The following SGCZ variants were observed in gnomAD, a reference collection of about 807,000 sequenced individuals.
SGCZ encodes the protein zeta-sarcoglycan.
Under a neutral mutation model 41.3 loss-of-function variants are expected in SGCZ, and 40 were observed. That is an observed-to-expected ratio of 0.97 (90% CI 0.75 to 1.26). The LOEUF (loss-of-function observed/expected upper bound fraction) is 1.26, where lower values mean the gene tolerates loss of function less well. SGCZ is among the 50% of genes most tolerant of loss of function. The probability of loss-of-function intolerance (pLI) is 0.00; values close to 1 mark genes in which losing one functional copy is unlikely to be tolerated. For missense variants in SGCZ, 552 were observed against 369.8 expected, an observed-to-expected ratio of 1.49 and a Z score of -4.04; for synonymous variants, 206 against 137.5, an observed-to-expected ratio of 1.50 and a Z score of -3.49.
Position 14,555,594 on chromosome 8 carries a change from T to C in SGCZ, c.40-668A>G, listed in dbSNP as rs988216299. On this transcript the variant is annotated intron_variant, in intron 1 of 7. Transcript: ENST00000382080. ...GAGCCAATTAAACCTCTTTTCTTTG[T>C]CAATTACCCCGTCTCAAATATTTTT... 2.0e-5 allele frequency among the ~76,000 whole-genome samples: 3 copies of C among 152,064 alleles called. No homozygotes were observed. The South Asian group carries it at 6.2e-4, about 31-fold the overall frequency.
chr8:14,492,861 G>A (rs11993846), intron 2 of SGCZ, among the ~76,000 whole-genome samples: 74,768 of 151,930 alleles, frequency 0.49, 18,686 homozygotes, highest in East Asian at 0.66. Flanking sequence ...ACATCTCAGT[G>A]TAATTCTTGA....
chr8:15,094,114 G>A lies in SGCZ; in HGVS notation c.39+143471C>T, dbSNP rs185517813. 1.5e-4 allele frequency among the ~76,000 whole-genome samples: 23 copies of A among 152,066 alleles called. 1 individual carries two copies. Among genetic ancestry groups the A allele is most frequent in the Non-Finnish European group, 1.9e-4 (13 of 67,968 alleles). On this transcript the variant is annotated intron_variant, in intron 1 of 7. Coordinates refer to ENST00000382080, the MANE Select transcript of SGCZ (RefSeq NM_139167.4). ...AGGGATGGAGAGTGATACGGCAGTT[G>A]TTTTATTTATTTATGGTTTTTTTTA... is the stretch of plus-strand genomic sequence containing the variant.
intron 1 of SGCZ, among the ~76,000 whole-genome samples, chr8:15,121,205 T>C (rs550975894): frequency 6.6e-6 from 1 of 152,054 alleles, no homozygotes; most frequent in Non-Finnish European, 1.5e-5. Context: ...TGAAGTTATA[T>C]TTTGTAGTTT....
intron 3 of SGCZ, among the ~76,000 whole-genome samples, chr8:14,243,000 T>C (rs1398572978): frequency 2.6e-5 from 4 of 152,366 alleles, no homozygotes; most frequent in East Asian, 1.9e-4. Context: ...ATATGACCTC[T>C]ACTTTGCTGC....
chr8:15,108,231 G>A (rs990139467), intron 1 of SGCZ, among the ~76,000 whole-genome samples: 2 of 151,912 alleles, frequency 1.3e-5, no homozygotes, highest in Non-Finnish European at 2.9e-5. Flanking sequence ...AAATTCTCTT[G>A]AAATTAGTAA....
chr8:14,699,130 A>G (rs996582683), intron 1 of SGCZ, among the ~76,000 whole-genome samples: 1 of 151,538 alleles, frequency 6.6e-6, no homozygotes, highest in Admixed American at 6.6e-5. Context: ...AAAGGACACT[A>G]AAACAGTGTT....
chr8:14,987,502 G>C (rs1801862999), intron 1 of SGCZ, among the ~76,000 whole-genome samples: 1 of 151,866 alleles, frequency 6.6e-6, no homozygotes. Flanking sequence ...ACTGTATTAA[G>C]CAAATACTGT....
intron 1 of SGCZ, among the ~76,000 whole-genome samples, chr8:15,168,697 G>A (rs1298574005): frequency 6.6e-6 from 1 of 152,188 alleles, no homozygotes; most frequent in Admixed American, 6.5e-5. Flanking sequence ...CATTTCGAAT[G>A]CATCCTGAAC....
At chr8:15,026,380 AATC>A (rs2130951139) in intron 1 of SGCZ, among the ~76,000 whole-genome samples, 1 of 152,330 alleles carries the variant, frequency 6.6e-6, no homozygotes, top group East Asian at 1.9e-4. Flanking sequence ...CTAAATTTTT[AATC>A]ATCAAGAGAT....
intron 1 of SGCZ, among the ~76,000 whole-genome samples, chr8:14,611,348 A>T (rs1195994794): frequency 1.3e-5 from 2 of 150,936 alleles, no homozygotes; most frequent in African/African-American, 4.9e-5. Flanking sequence ...GTGTGTGTGA[A>T]TGTATGAAAT....
At chr8:14,544,715 G>A (rs1225266876) in intron 2 of SGCZ, among the ~76,000 whole-genome samples, 1 of 152,088 alleles carries the variant, frequency 6.6e-6, no homozygotes, top group African/African-American at 2.4e-5. Context: ...CCGGTTCTCT[G>A]CTCTTGAACC....
chr8:15,163,718 T>C lies in SGCZ; in HGVS notation c.39+73867A>G, dbSNP rs554018058. ...GTACTATTGATCTGGAGGATTCTTA[T>C]AACTCTTAAATATTTCTTTATTATT... is the stretch of plus-strand genomic sequence containing the variant. On this transcript the variant is annotated intron_variant, in intron 1 of 7. Coordinates refer to ENST00000382080, the MANE Select transcript of SGCZ (RefSeq NM_139167.4). Among the ~76,000 whole-genome samples the C allele has an allele frequency of 8.9e-4, 136 of 152,362 alleles. 1 individual carries two copies. Among genetic ancestry groups the C allele is most frequent in the African/African-American group, 3.1e-3 (131 of 41,600 alleles).
chr8:14,906,016 A>G (rs1459445725), intron 1 of SGCZ, among the ~76,000 whole-genome samples: 1 of 152,090 alleles, frequency 6.6e-6, no homozygotes, highest in Non-Finnish European at 1.5e-5. Context: ...ACAAATATAT[A>G]AAGTATATCA....
chr8:14,631,858 T>C (rs745723235), intron 1 of SGCZ, among the ~76,000 whole-genome samples: 3 of 152,082 alleles, frequency 2.0e-5, no homozygotes, highest in Non-Finnish European at 4.4e-5. Flanking sequence ...AGAAACAACT[T>C]CTTAGTCTCA....
At chr8:14,265,839 G>A (rs1158624838) in intron 3 of SGCZ, among the ~76,000 whole-genome samples, 7 of 150,870 alleles carry the variant, frequency 4.6e-5, no homozygotes, top group South Asian at 4.2e-4. Flanking sequence ...TAAGCCAAAC[G>A]AAAAATACAG....
intron 2 of SGCZ, among the ~76,000 whole-genome samples, chr8:14,410,746 T>G (rs1799338159): frequency 6.6e-6 from 1 of 152,108 alleles, no homozygotes; most frequent in Admixed American, 6.6e-5. Flanking sequence ...CTGCACGTTT[T>G]GCACATGTAT....
chr8:14,105,540 C>T (rs1228757438), intron 6 of SGCZ, among the ~76,000 whole-genome samples: 1 of 152,052 alleles, frequency 6.6e-6, no homozygotes, highest in East Asian at 1.9e-4. Context: ...AAGTTTTTCT[C>T]AGACACCCTG....
At chr8:14,786,989 G>A (rs1021918423) in intron 1 of SGCZ, among the ~76,000 whole-genome samples, 3 of 152,020 alleles carry the variant, frequency 2.0e-5, no homozygotes, top group Non-Finnish European at 2.9e-5. Context: ...AGAGCACCAG[G>A]GACTCTTCCT....
At chr8:15,100,504 A>G (rs1186891714) in intron 1 of SGCZ, among the ~76,000 whole-genome samples, 1 of 152,234 alleles carries the variant, frequency 6.6e-6, no homozygotes, top group Non-Finnish European at 1.5e-5. Flanking sequence ...GGAAGACTCA[A>G]TATTAAGAAG....
Sources: allele counts gnomAD v4.1 joint callset (sites outside exome capture counted in the v4.1 genomes callset), GRCh38; gene constraint gnomAD v4.1.1; transcripts MANE v1.5; gene names NCBI Gene and HGNC (gene_info 2026-07-23, HGNC 2026-07-21).